Variants in NPAS3 observed in about 807,000 individuals in gnomAD.
NPAS3 encodes the protein neuronal PAS domain-containing protein 3.
A neutral mutation model predicts 73.1 loss-of-function variants in NPAS3; 14 were observed. That is an observed-to-expected ratio of 0.19 (90% confidence interval 0.13 to 0.30). NPAS3 has a LOEUF of 0.30. Among genes scored for constraint, NPAS3 ranks in the 10% least tolerant of loss-of-function variants. The probability of loss-of-function intolerance (pLI) is 1.00; values close to 1 mark genes in which losing one functional copy is unlikely to be tolerated. For synonymous variants in NPAS3, 620 were observed against 541.5 expected, an observed-to-expected ratio of 1.14 and a Z score of -2.01; for missense variants, 1,096 against 1,250.0, an observed-to-expected ratio of 0.88 and a Z score of 1.86.
In NPAS3 at chr14:33,616,554, T is replaced by C. The variant is rs535288594; in HGVS notation, c.558+56344T>C. Among the ~76,000 whole-genome samples, 4 of 152,234 alleles carry C rather than the reference T, an allele frequency of 2.6e-5. No homozygotes were observed. In the East Asian group the frequency reaches 7.7e-4, roughly 29 times the overall value. ...TCTTCCTGACCTCACAGAAAGCAAG[T>C]GGTTGAGTTGCGGCTGGGATAGAAC... On this transcript the variant is annotated intron_variant, in intron 5 of 11. Coordinates refer to ENST00000356141, the Ensembl canonical transcript of NPAS3.
intron 2 of NPAS3, among the ~76,000 whole-genome samples, chr14:33,177,017 C>T (rs959243464): frequency 2.0e-5 from 3 of 150,866 alleles, no homozygotes; most frequent in African/African-American, 7.3e-5. Flanking sequence ...TGTATATCTC[C>T]TTTGTAGAAG....
intron 6 of NPAS3, among the ~76,000 whole-genome samples, chr14:33,708,336 G>GT (rs113955221): frequency 2.0e-5 from 3 of 152,322 alleles, no homozygotes; most frequent in African/African-American, 7.2e-5. Context: ...GGGAGTACTG[G>GT]TGGGTGTGAT....
At chr14:33,339,733 A>C (rs2044386448) in intron 3 of NPAS3, among the ~76,000 whole-genome samples, 1 of 152,172 alleles carries the variant, frequency 6.6e-6, no homozygotes, top group Non-Finnish European at 1.5e-5. Context: ...GAGAAAAAAA[A>C]TCAAGTGGTG....
At chr14:33,033,914 C>T (rs1186933724) in intron 1 of NPAS3, among the ~76,000 whole-genome samples, 1 of 152,148 alleles carries the variant, frequency 6.6e-6, no homozygotes, top group Non-Finnish European at 1.5e-5. Flanking sequence ...ATGCATAATA[C>T]ACAACTACAT....
intron 6 of NPAS3, among the ~76,000 whole-genome samples, chr14:33,678,982 C>T (rs1315176416): frequency 1.3e-5 from 2 of 152,284 alleles, no homozygotes; most frequent in African/African-American, 4.8e-5. Flanking sequence ...TCTCCTTCAA[C>T]TGTTAACTCT....
chr14:33,442,602 G>A (rs2049304455), intron 4 of NPAS3, among the ~76,000 whole-genome samples: 4 of 152,248 alleles, frequency 2.6e-5, no homozygotes, highest in Non-Finnish European at 1.5e-5. Flanking sequence ...TTTTGTAAGG[G>A]GCTTCGCCCT....
intron 3 of NPAS3, among the ~76,000 whole-genome samples, chr14:33,269,361 G>C (rs1433851228): frequency 6.6e-6 from 1 of 152,108 alleles, no homozygotes; most frequent in African/African-American, 2.4e-5. Flanking sequence ...ATGGATCTAT[G>C]TACTTATCTT....
intron 3 of NPAS3, 74 bp from the exon 4 acceptor site, chr14:33,367,112 A>T: frequency 2.9e-6 from 2 of 697,342 alleles, no homozygotes; most frequent in Non-Finnish European, 4.9e-6. Context: ...GCCATTCAAG[A>T]GAAACTAAGC....
chr14:33,078,434 G>C (rs1463932474), intron 2 of NPAS3, among the ~76,000 whole-genome samples: 5 of 151,952 alleles, frequency 3.3e-5, no homozygotes, highest in African/African-American at 1.2e-4. Context: ...TTCCTCCCCT[G>C]GAGAGGTGCC....
At chr14:33,539,986 C>G (rs149910896) in intron 4 of NPAS3, among the ~76,000 whole-genome samples, 1,689 of 152,252 alleles carry the variant, frequency 0.011, 32 homozygotes, top group African/African-American at 0.038. Flanking sequence ...CGAATGCATC[C>G]TCACTCTGCC....
At chr14:33,220,141 G>A (rs938011881) in intron 3 of NPAS3, among the ~76,000 whole-genome samples, 1 of 152,194 alleles carries the variant, frequency 6.6e-6, no homozygotes, top group Non-Finnish European at 1.5e-5. Flanking sequence ...CTTCTGAGCA[G>A]GAGCCTCCTA....
At chr14:33,244,404 T>TG (rs2048310890) in intron 3 of NPAS3, among the ~76,000 whole-genome samples, 1 of 152,190 alleles carries the variant, frequency 6.6e-6, no homozygotes. Flanking sequence ...GTTGGGCATT[T>TG]GGAACTATAT....
At chr14:33,644,714 G>A (rs1352399870) in intron 5 of NPAS3, among the ~76,000 whole-genome samples, 12 of 152,102 alleles carry the variant, frequency 7.9e-5, no homozygotes, top group Admixed American at 7.9e-4. Flanking sequence ...GTTAGATACT[G>A]CCGTTTTTGC....
At chr14:33,024,114 A>ATG (rs2039708581) in intron 1 of NPAS3, among the ~76,000 whole-genome samples, 1 of 149,578 alleles carries the variant, frequency 6.7e-6, no homozygotes, top group Non-Finnish European at 1.5e-5. Flanking sequence ...GTGTATATAT[A>ATG]TGTGTATATA....
At chr14:32,964,912 G>A (rs1325860207) in intron 1 of NPAS3, among the ~76,000 whole-genome samples, 1 of 152,144 alleles carries the variant, frequency 6.6e-6, no homozygotes, top group African/African-American at 2.4e-5. Flanking sequence ...GGAGGCTGCA[G>A]TGAGCTATGA....
chr14:33,508,566 C>G (rs1231948655), intron 4 of NPAS3, among the ~76,000 whole-genome samples: 1 of 152,008 alleles, frequency 6.6e-6, no homozygotes, highest in Non-Finnish European at 1.5e-5. Flanking sequence ...TTCTTAGCAT[C>G]CAGGAAGCCA....
intron 1 of NPAS3, among the ~76,000 whole-genome samples, chr14:33,044,017 CAT>C (rs2040425107): frequency 6.6e-6 from 1 of 152,104 alleles, no homozygotes; most frequent in East Asian, 1.9e-4. Context: ...AATATTTGTT[CAT>C]AGAGTGAAAT....
chr14:32,967,768 A>G (rs1463141130), intron 1 of NPAS3, among the ~76,000 whole-genome samples: 3 of 116,480 alleles, frequency 2.6e-5, no homozygotes, highest in African/African-American at 8.5e-5. Context: ...GGACAACAGC[A>G]TGTGGGGGGG....
intron 6 of NPAS3, among the ~76,000 whole-genome samples, chr14:33,726,322 G>A (rs2061263297): frequency 6.6e-6 from 1 of 152,150 alleles, no homozygotes; most frequent in Non-Finnish European, 1.5e-5. Flanking sequence ...TATATGTCAA[G>A]TCATACACTG....
Sources: gnomAD v4.1 joint callset for allele counts (sites outside exome capture counted in the v4.1 genomes callset) on GRCh38, gnomAD v4.1.1 for gene constraint, MANE v1.5 for transcripts, NCBI Gene and HGNC (gene_info 2026-07-23, HGNC 2026-07-21) for gene names.